CTNNA3: variants seen among roughly 807,000 people sequenced by gnomAD.
The protein encoded by CTNNA3 is catenin alpha 3.
A neutral mutation model predicts 95.7 loss-of-function variants in CTNNA3; 76 were observed. That is an observed-to-expected ratio of 0.79 (90% confidence interval 0.66 to 0.96). The LOEUF is 0.96. Among genes scored for constraint, CTNNA3 ranks in the 40% least tolerant of loss-of-function variants. The probability of loss-of-function intolerance (pLI) is 0.00; values close to 1 mark genes in which losing one functional copy is unlikely to be tolerated. For synonymous variants in CTNNA3, 431 were observed against 374.4 expected, an observed-to-expected ratio of 1.15 and a Z score of -1.74; for missense variants, 1,191 against 1,089.8, an observed-to-expected ratio of 1.09 and a Z score of -1.31.
chr10:67,182,128 T>C (rs910471878), intron 6 of CTNNA3, among the ~76,000 whole-genome samples: 1 of 152,118 alleles, frequency 6.6e-6, no homozygotes, highest in Non-Finnish European at 1.5e-5. Context: ...AGGTAATTTA[T>C]AGATTCAATG....
chr10:67,518,526 T>A (rs1839888512), intron 5 of CTNNA3, among the ~76,000 whole-genome samples: 1 of 152,140 alleles, frequency 6.6e-6, no homozygotes, highest in African/African-American at 2.4e-5. Flanking sequence ...TATTTTTATA[T>A]CAATGTCTAA....
At chr10:66,604,469 T>A (rs1844045324) in intron 10 of CTNNA3, among the ~76,000 whole-genome samples, 1 of 152,142 alleles carries the variant, frequency 6.6e-6, no homozygotes, top group South Asian at 2.1e-4. Context: ...ATGCTGTGGC[T>A]GCCACTGCTG....
At chr10:67,172,695 C>T (rs935977040) in intron 7 of CTNNA3, among the ~76,000 whole-genome samples, 14 of 152,118 alleles carry the variant, frequency 9.2e-5, no homozygotes, top group African/African-American at 3.4e-4. Context: ...CAGTTTTGGC[C>T]GGGCACGGTG....
At chr10:67,511,327 T>C (rs1360107067) in intron 5 of CTNNA3, among the ~76,000 whole-genome samples, 1 of 152,198 alleles carries the variant, frequency 6.6e-6, no homozygotes, top group African/African-American at 2.4e-5. Flanking sequence ...ATATTGGCTG[T>C]GGGTTTGTCA....
intron 3 of CTNNA3, among the ~76,000 whole-genome samples, chr10:67,562,438 A>G (rs1242228731): frequency 6.6e-6 from 1 of 152,060 alleles, no homozygotes; most frequent in Non-Finnish European, 1.5e-5. Flanking sequence ...AAATTCAACA[A>G]CCCTTCATGC....
intron 9 of CTNNA3, among the ~76,000 whole-genome samples, chr10:66,690,684 G>A (rs1847492073): frequency 6.6e-6 from 1 of 151,744 alleles, no homozygotes; most frequent in Non-Finnish European, 1.5e-5. Context: ...AGTATTCCAT[G>A]GTGTATATGT....
intron 5 of CTNNA3, among the ~76,000 whole-genome samples, chr10:67,233,924 A>T: frequency 6.6e-6 from 1 of 152,224 alleles, no homozygotes; most frequent in East Asian, 1.9e-4. Flanking sequence ...GAAACGGATA[A>T]ATTCCTCGAC....
chr10:67,443,295 C>G (rs1459441511), intron 5 of CTNNA3, among the ~76,000 whole-genome samples: 5 of 149,162 alleles, frequency 3.4e-5, no homozygotes, highest in Non-Finnish European at 5.9e-5. Context: ...ATTTATAGTC[C>G]TTTGGGTATA....
chr10:67,669,860 C>A (rs1840398364), intron 1 of CTNNA3, among the ~76,000 whole-genome samples: 1 of 152,142 alleles, frequency 6.6e-6, no homozygotes, highest in African/African-American at 2.4e-5. Flanking sequence ...AAATTGAATC[C>A]ATGCCATCAA....
intron 11 of CTNNA3, among the ~76,000 whole-genome samples, chr10:66,445,309 G>A (rs1289645529): frequency 3.3e-5 from 5 of 151,872 alleles, no homozygotes; most frequent in Non-Finnish European, 7.4e-5. Flanking sequence ...ACTCAGCTCT[G>A]CACCAAGCAG....
At chr10:66,045,278 A>G (rs537691913) in intron 15 of CTNNA3, among the ~76,000 whole-genome samples, 2 of 152,326 alleles carry the variant, frequency 1.3e-5, no homozygotes, top group Non-Finnish European at 2.9e-5. Context: ...GGAGGAAATG[A>G]CATTTGCTTC....
intron 10 of CTNNA3, among the ~76,000 whole-genome samples, chr10:66,591,337 C>T (rs868166096): frequency 7.9e-5 from 12 of 152,060 alleles, no homozygotes; most frequent in African/African-American, 1.2e-4. Context: ...ATATTATCAA[C>T]GCACATGGAA....
chr10:66,520,985 A>G (rs2132022095), intron 10 of CTNNA3, among the ~76,000 whole-genome samples: 1 of 151,450 alleles, frequency 6.6e-6, no homozygotes, highest in African/African-American at 2.4e-5. Flanking sequence ...AAACATAAAA[A>G]ATGGAATTTA....
At chr10:66,913,254 A>G (rs1322260575) in intron 7 of CTNNA3, among the ~76,000 whole-genome samples, 7 of 149,734 alleles carry the variant, frequency 4.7e-5, no homozygotes, top group African/African-American at 1.7e-4. Context: ...AAAAAAAAAA[A>G]AAAAAAAAAA....
At chr10:66,614,401 A>G (rs941523648) in intron 10 of CTNNA3, among the ~76,000 whole-genome samples, 6 of 152,192 alleles carry the variant, frequency 3.9e-5, no homozygotes, top group Non-Finnish European at 8.8e-5. Context: ...TTCTTAGGAT[A>G]TATCAGCGGA....
intron 9 of CTNNA3, among the ~76,000 whole-genome samples, chr10:66,740,372 T>G (rs1400091770): frequency 6.6e-6 from 1 of 152,204 alleles, no homozygotes; most frequent in Admixed American, 6.5e-5. Context: ...GGGTTTATGC[T>G]CCCTAGGTTT....
chr10:66,248,348 T>TAA (rs71474035), intron 13 of CTNNA3, among the ~76,000 whole-genome samples: 3,555 of 144,814 alleles, frequency 0.025, 51 homozygotes, highest in Middle Eastern at 0.05. Context: ...GAGAAAATCA[T>TAA]AAAAAAAAAA....
At chr10:67,534,634 G>C (rs1840436266) in intron 4 of CTNNA3, among the ~76,000 whole-genome samples, 1 of 152,130 alleles carries the variant, frequency 6.6e-6, no homozygotes, top group South Asian at 2.1e-4. Flanking sequence ...CTACATTCAT[G>C]TATTCTGGTC....
chr10:66,819,334 C>A (rs1329997754), intron 7 of CTNNA3, among the ~76,000 whole-genome samples: 1 of 151,936 alleles, frequency 6.6e-6, no homozygotes, highest in Non-Finnish European at 1.5e-5. Context: ...TATACAAAAT[C>A]TAACTTAAAA....
Sources: gnomAD v4.1 joint callset for allele counts (sites outside exome capture counted in the v4.1 genomes callset) on GRCh38, gnomAD v4.1.1 for gene constraint, MANE v1.5 for transcripts, NCBI Gene and HGNC (gene_info 2026-07-23, HGNC 2026-07-21) for gene names.